The following NDC1 variants were observed in gnomAD, a reference collection of about 807,000 sequenced individuals.
NDC1 encodes the protein nucleoporin NDC1.
A neutral mutation model predicts 89.8 loss-of-function variants in NDC1; 24 were observed. The ratio of observed to expected loss-of-function variants is 0.27; its 90% CI spans 0.19 to 0.38. The LOEUF (loss-of-function observed/expected upper bound fraction) is 0.38, where lower values mean the gene tolerates loss of function less well. NDC1 is among the 10% of genes least tolerant of loss of function. NDC1 has a pLI of 1.00. For synonymous variants in NDC1, 296 were observed against 284.8 expected (o/e 1.04, Z -0.39); for missense variants, 728 against 797.6 (o/e 0.91, Z 1.05).
At chr1:53,837,784 G>A (rs1186688839) in intron 1 of NDC1, among the ~76,000 whole-genome samples, 1 of 152,162 alleles carries the variant, frequency 6.6e-6, no homozygotes, top group Non-Finnish European at 1.5e-5. Flanking sequence ...ACCTTACAAA[G>A]AACACCTGCC....
At chr1:53,777,109 T>C (rs1647170138) in intron 16 of NDC1, among the ~76,000 whole-genome samples, 1 of 152,060 alleles carries the variant, frequency 6.6e-6, no homozygotes, top group Admixed American at 6.6e-5. Context: ...CTCACTGTAG[T>C]CTCAAACTCA....
At chr1:53,792,305 G>A (rs888932639) in intron 14 of NDC1, among the ~76,000 whole-genome samples, 8 of 152,222 alleles carry the variant, frequency 5.3e-5, no homozygotes, top group African/African-American at 1.2e-4. Context: ...TCCTTTTGGT[G>A]GAAGACAAGA....
chr1:53,836,451 C>CAAAAAAA (rs1245566049), intron 1 of NDC1, among the ~76,000 whole-genome samples: 1 of 94,162 alleles, frequency 1.1e-5, no homozygotes, highest in Non-Finnish European at 2.4e-5. Context: ...CTCTGTCTAA[C>CAAAAAAA]AAAAAAAAAA....
chr1:53,797,311 C>A (rs1254615930), intron 11 of NDC1, among the ~76,000 whole-genome samples, 167 bp from the exon 12 acceptor site: 20 of 152,198 alleles, frequency 1.3e-4, no homozygotes, highest in Admixed American at 1.3e-3. Flanking sequence ...TTTACTACTG[C>A]ATTCAAGCTC....
At chr1:53,836,342 G>C (rs1191554145) in intron 1 of NDC1, among the ~76,000 whole-genome samples, 1 of 150,184 alleles carries the variant, frequency 6.7e-6, no homozygotes, top group African/African-American at 2.5e-5. Flanking sequence ...GAGGCCAGGA[G>C]TTTGAGACCA....
intron 7 of NDC1, 70 bp from the exon 8 acceptor site, chr1:53,807,861 C>T (rs1339724908): frequency 1.8e-5 from 24 of 1,367,634 alleles, no homozygotes; most frequent in Non-Finnish European, 2.4e-5. Flanking sequence ...ACTTAAGTCT[C>T]CACATTGAGA....
At position 53,788,476 on chromosome 1, in the gene NDC1, G is replaced by A. The variant is rs1243630020; in HGVS notation, c.1699+657C>T. On this transcript the variant is annotated intron_variant, in intron 15 of 17. Coordinates refer to ENST00000371429, the MANE Select transcript of NDC1 (RefSeq NM_018087.5). ...AGTTGCGCTATTTGTTACCCAGGCTGGAGTGCAGTGGTGTGATATCAACTC... is the reference window on the plus strand; with the variant it reads ...AGTTGCGCTATTTGTTACCCAGGCTAGAGTGCAGTGGTGTGATATCAACTC... 4.6e-5 allele frequency among the ~76,000 whole-genome samples: 7 copies of A among 151,832 alleles called. No individual in the cohort carries two copies. The East Asian group carries it at 1.3e-3, about 29-fold the overall frequency.
At chr1:53,799,846 A>G (rs1647845777) in intron 11 of NDC1, among the ~76,000 whole-genome samples, 1 of 152,184 alleles carries the variant, frequency 6.6e-6, no homozygotes, top group African/African-American at 2.4e-5. Flanking sequence ...CTTCTACCTA[A>G]GGGATTTGGT....
At position 53,807,737 on chromosome 1, in the gene NDC1, G is replaced by A; in HGVS notation, c.810C>T (p.Leu270=). The change falls in exon 8 of 18, where the codon CTC becomes CTT. Residue 270 remains leucine, a synonymous_variant. Coordinates refer to ENST00000371429, the MANE Select transcript of NDC1 (RefSeq NM_018087.5). ...TVSGLLNLSL[L]YHVWLCGVFL... is the part of the protein sequence containing the mutation. The stretch of plus-strand genomic sequence containing the variant: ...AGACACCACACAGCCAGACATGGTA[G>A]AGTAACGAGAGATTTAAGAGGCCAC... 1 of 1,613,898 alleles carries A rather than the reference G, an allele frequency of 6.2e-7. No individual in the cohort carries two copies.
At chr1:53,793,408 GAAT>G (rs986160885) in intron 13 of NDC1, 129 bp from the exon 14 acceptor site, 5 of 740,086 alleles carry the variant, frequency 6.8e-6, no homozygotes, top group East Asian at 2.5e-5. Context: ...TGTGGGCAAA[GAAT>G]AATAATACTT....
At chr1:53,830,252 G>A (rs1378021036) in intron 3 of NDC1, among the ~76,000 whole-genome samples, 1 of 152,066 alleles carries the variant, frequency 6.6e-6, no homozygotes, top group African/African-American at 2.4e-5. Flanking sequence ...TCGGGAGTTC[G>A]AGACCAGCCT....
chr1:53,836,440 A>C (rs1570246091), intron 1 of NDC1, among the ~76,000 whole-genome samples: 1 of 138,872 alleles, frequency 7.2e-6, no homozygotes, highest in South Asian at 2.2e-4. Context: ...ACAGAGCAAG[A>C]CTCTGTCTAA....
intron 6 of NDC1, among the ~76,000 whole-genome samples, chr1:53,812,153 G>A (rs1053379824): frequency 5.3e-5 from 8 of 152,128 alleles, no homozygotes; most frequent in Non-Finnish European, 8.8e-5. Flanking sequence ...CTACCCAAAT[G>A]AGAAGGAACC....
At chr1:53,792,168 T>A (rs1426817657) in intron 14 of NDC1, among the ~76,000 whole-genome samples, 7 of 152,120 alleles carry the variant, frequency 4.6e-5, no homozygotes, top group Admixed American at 2.0e-4. Context: ...GGTCTTGATC[T>A]CCTGACCTCG....
At chr1:53,776,017 C>T (rs1448123216) in intron 16 of NDC1, among the ~76,000 whole-genome samples, 2 of 149,892 alleles carry the variant, frequency 1.3e-5, no homozygotes, top group South Asian at 2.1e-4. Context: ...TGCAGTGGCA[C>T]GATCTCAGCA....
At chr1:53,827,370 GA>G (rs1313936404) in intron 4 of NDC1, among the ~76,000 whole-genome samples, 2 of 151,694 alleles carry the variant, frequency 1.3e-5, no homozygotes, top group East Asian at 3.9e-4. Context: ...TCTAATTCCT[GA>G]GCTCAAGGGA....
At chr1:53,803,889 A>G in intron 10 of NDC1, 39 bp downstream of exon 10, 1 of 1,471,062 alleles carries the variant, frequency 6.8e-7, no homozygotes, top group Non-Finnish European at 9.5e-7. Context: ...TACTTTCTAC[A>G]CACATATGCC....
chr1:53,792,816 T>C (rs1452362804), intron 14 of NDC1, among the ~76,000 whole-genome samples: 1 of 152,262 alleles, frequency 6.6e-6, no homozygotes, highest in Admixed American at 6.5e-5. Flanking sequence ...TAATTTTTTA[T>C]TCATCATAAA....
chr1:53,819,160 C>A, intron 5 of NDC1, 81 bp from the exon 6 acceptor site: 1 of 693,030 alleles, frequency 1.4e-6, no homozygotes, highest in Non-Finnish European at 2.5e-6. Context: ...AAGCACTTTA[C>A]TGTAACAGTC....
Sources: gnomAD v4.1 joint callset for allele counts (sites outside exome capture counted in the v4.1 genomes callset) on GRCh38, gnomAD v4.1.1 for gene constraint, MANE v1.5 for transcripts, NCBI Gene and HGNC (gene_info 2026-07-23, HGNC 2026-07-21) for gene names.